The following VPS13C variants were observed in gnomAD, a reference collection of about 807,000 sequenced individuals.
The protein encoded by VPS13C is vacuolar protein sorting 13 homolog C.
A neutral mutation model predicts 456.8 loss-of-function variants in VPS13C; 358 were observed. The ratio of observed to expected loss-of-function variants is 0.78; its 90% confidence interval spans 0.72 to 0.86. The LOEUF is 0.86. Among genes scored for constraint, VPS13C ranks in the 40% least tolerant of loss-of-function variants. The pLI is 0.00. For synonymous variants in VPS13C, 1,578 were observed against 1,486.7 expected (o/e 1.06, Z -1.41); for missense variants, 4,818 against 4,385.4 (o/e 1.10, Z -2.79).
chr15:62,001,261 CAGA>C (rs1442980765), intron 15 of VPS13C, among the ~76,000 whole-genome samples: 2 of 152,258 alleles, frequency 1.3e-5, no homozygotes, highest in Admixed American at 1.3e-4. Context: ...TGTCCATAAT[CAGA>C]AGGACACTTG....
chr15:61,891,869 A>G (rs897950510), intron 66 of VPS13C, among the ~76,000 whole-genome samples: 17 of 152,216 alleles, frequency 1.1e-4, no homozygotes, highest in Non-Finnish European at 2.1e-4. Context: ...ATCATCAGCA[A>G]TATCCCAGAA....
chr15:61,881,188 T>A (rs1244903907), intron 71 of VPS13C, among the ~76,000 whole-genome samples: 1 of 152,132 alleles, frequency 6.6e-6, no homozygotes, highest in Non-Finnish European at 1.5e-5. Flanking sequence ...AAATGCCACA[T>A]TCGTCATGTC....
intron 14 of VPS13C, among the ~76,000 whole-genome samples, chr15:62,008,324 A>G (rs1478561966): frequency 6.6e-6 from 1 of 151,988 alleles, no homozygotes; most frequent in African/African-American, 2.4e-5. Context: ...CGCTTGAACC[A>G]GGGAGGCACA....
intron 65 of VPS13C, 61 bp downstream of exon 65, chr15:61,908,931 G>A: frequency 6.4e-7 from 1 of 1,563,956 alleles, no homozygotes; most frequent in Middle Eastern, 1.7e-4. Context: ...AAACCAAAGT[G>A]TTTCCCATTA....
intron 55 of VPS13C, 79 bp downstream of exon 55, chr15:61,921,868 T>G: frequency 1.4e-6 from 2 of 1,463,008 alleles, no homozygotes; most frequent in Non-Finnish European, 1.9e-6. Flanking sequence ...AGACCACATC[T>G]TAAGAATCAC....
intron 66 of VPS13C, among the ~76,000 whole-genome samples, chr15:61,904,859 T>C (rs1488849120): frequency 6.6e-6 from 1 of 152,012 alleles, no homozygotes; most frequent in African/African-American, 2.4e-5. Context: ...GGTCATTATG[T>C]TAAGTGAAGT....
intron 25 of VPS13C, among the ~76,000 whole-genome samples, chr15:61,974,085 T>C (rs186703390): frequency 2.1e-4 from 32 of 152,296 alleles, no homozygotes; most frequent in Non-Finnish European, 3.8e-4. Context: ...TCAATTGTTT[T>C]ATTTGCAAGA....
chr15:62,051,797 C>T (rs559112460), intron 1 of VPS13C, among the ~76,000 whole-genome samples: 2 of 152,178 alleles, frequency 1.3e-5, no homozygotes, highest in South Asian at 4.1e-4. Context: ...CAGAAGAAAA[C>T]GTAGTGCCAC....
At chr15:62,037,813 C>T (rs1396660325) in intron 3 of VPS13C, among the ~76,000 whole-genome samples, 1 of 151,976 alleles carries the variant, frequency 6.6e-6, no homozygotes, top group Non-Finnish European at 1.5e-5. Flanking sequence ...CCACATTCAG[C>T]CCTATCTAAA....
intron 9 of VPS13C, among the ~76,000 whole-genome samples, chr15:62,016,623 AG>A (rs1378339731): frequency 1.3e-5 from 2 of 151,974 alleles, no homozygotes; most frequent in African/African-American, 2.4e-5. Context: ...ATGGCTGCAT[AG>A]TATTCCATGG....
At position 61,931,273 on chromosome 15, in the gene VPS13C, T is replaced by C; in HGVS notation, c.5869-14A>G. On this transcript the variant is annotated splice_polypyrimidine_tract_variant and intron_variant, in intron 49 of 84. Transcript: ENST00000644861. ...AACTCCAGATTCCTATGGTACATTT[T>C]TCAAGCAAAAGAATCAATTACCTTT... 6.2e-7 allele frequency: 1 copy of C among 1,601,630 alleles called. No homozygotes were observed. The highest frequency in any genetic ancestry group is 8.5e-7 in the Non-Finnish European group (1 of 1,175,322).
chr15:61,907,881 A>C (rs2043194913), intron 65 of VPS13C, among the ~76,000 whole-genome samples: 2 of 152,188 alleles, frequency 1.3e-5, no homozygotes, highest in Non-Finnish European at 2.9e-5. Context: ...AAGCCTCTCA[A>C]GTAGCTGTGA....
intron 63 of VPS13C, among the ~76,000 whole-genome samples, chr15:61,910,851 T>C (rs1439084298): frequency 1.3e-5 from 2 of 152,112 alleles, no homozygotes; most frequent in Non-Finnish European, 2.9e-5. Context: ...TCATTCCTAA[T>C]ACAAAATGTG....
At chr15:62,012,634 A>G (rs974745107) in intron 11 of VPS13C, among the ~76,000 whole-genome samples, 6 of 151,942 alleles carry the variant, frequency 3.9e-5, no homozygotes, top group Non-Finnish European at 5.9e-5. Flanking sequence ...ATCTTCTACT[A>G]TTCAGAAAAT....
chr15:62,021,269 C>T (rs1004151071), intron 8 of VPS13C, among the ~76,000 whole-genome samples: 1 of 151,782 alleles, frequency 6.6e-6, no homozygotes, highest in Non-Finnish European at 1.5e-5. Context: ...AACAACACTG[C>T]ACTTGTACTC....
intron 81 of VPS13C, chr15:61,864,390 G>GT (rs1210385163): frequency 1.2e-5 from 11 of 901,900 alleles, no homozygotes; most frequent in African/African-American, 9.1e-5. Flanking sequence ...TTAAAAACGA[G>GT]TTTTTTTATA....
chr15:61,937,106 T>A (rs879874029), intron 47 of VPS13C, among the ~76,000 whole-genome samples: 332 of 152,310 alleles, frequency 2.2e-3, no homozygotes, highest in Non-Finnish European at 3.9e-3. Flanking sequence ...CCTTCTTCTA[T>A]ATTATTTACT....
At position 61,853,183 on chromosome 15, in the gene VPS13C, T is replaced by C. The variant is rs1893736100; in HGVS notation, c.*1274A>G. 6.6e-6 allele frequency: 1 copy of C among 152,216 alleles called. No individual in the cohort carries two copies. The highest frequency in any genetic ancestry group is 6.5e-5 in the Admixed American group (1 of 15,284). The allele number at this position is 152,216 out of a possible 1,614,324, so 9.4% of individuals were successfully genotyped here. A position where few individuals can be genotyped will look rare whatever the true frequency, so the allele number is the denominator to read the frequency against. ...TCACAGAACACAGTGTCATTATATA[T>C]GCCTTATTTATATATAAAACAACCA... On this transcript the variant is annotated 3_prime_UTR_variant, in exon 85 of 85. Coordinates refer to ENST00000644861, the MANE Select transcript of VPS13C (RefSeq NM_020821.3).
At chr15:62,002,263 T>C (rs1324588045) in intron 15 of VPS13C, among the ~76,000 whole-genome samples, 1 of 152,244 alleles carries the variant, frequency 6.6e-6, no homozygotes. Context: ...ATTTCTCTGA[T>C]GGCCAGTGAT....
Sources: allele counts gnomAD v4.1 joint callset (sites outside exome capture counted in the v4.1 genomes callset), GRCh38; gene constraint gnomAD v4.1.1; transcripts MANE v1.5; gene names NCBI Gene and HGNC (gene_info 2026-07-23, HGNC 2026-07-21).